LGSN: variants seen among roughly 807,000 people sequenced by gnomAD.
LGSN encodes lengsin, lens protein with glutamine synthetase domain.
Under a neutral mutation model 19.5 loss-of-function variants are expected in LGSN, and 21 were observed. The observed-to-expected ratio is 1.07, with a 90% CI of 0.76 to 1.55. The LOEUF (loss-of-function observed/expected upper bound fraction) is 1.55, where lower values mean the gene tolerates loss of function less well. Among genes scored for constraint, LGSN ranks in the 40% most tolerant of loss-of-function variants. The pLI, the probability that LGSN is intolerant of heterozygous loss-of-function variation, is 0.00. For missense variants in LGSN, 673 were observed against 608.5 expected, an observed-to-expected ratio of 1.11 and a Z score of -1.12; for synonymous variants, 257 against 215.6, an observed-to-expected ratio of 1.19 and a Z score of -1.68.
chr6:63,388,205 A>G, the LGSN span, among the ~76,000 whole-genome samples: 1 of 152,012 alleles, frequency 6.6e-6, no homozygotes, highest in Non-Finnish European at 1.5e-5. Context: ...ATGACTATGG[A>G]GTATCATTTC....
Position 63,315,616 on chromosome 6 carries a change from C to CTG in LGSN, c.30+4297_30+4298insCA, listed in dbSNP as rs1381216132. Among the ~76,000 whole-genome samples, 515 of 114,736 alleles carry CTG rather than the reference C, an allele frequency of 4.5e-3. 5 individuals are homozygous for CTG. Among genetic ancestry groups the CTG allele is most frequent in the African/African-American group, 0.013 (408 of 30,466 alleles). 75.3% of individuals were successfully genotyped at this position (114,736 alleles called of 152,430 possible). A position where few individuals can be genotyped will look rare whatever the true frequency, so the allele number is the denominator to read the frequency against. ...TAGCTAAAATGTTCTCTCTCTCTCT[C>CTG]TCTGTGTGTGTGTGTGTGTGTGTGT... is the stretch of plus-strand genomic sequence containing the variant. On this transcript the variant is annotated intron_variant, in intron 1 of 3. Coordinates refer to ENST00000370657, the MANE Select transcript of LGSN (RefSeq NM_016571.3).
At chr6:63,569,418 A>G in the LGSN span, among the ~76,000 whole-genome samples, 1 of 152,028 alleles carries the variant, frequency 6.6e-6, no homozygotes, top group Non-Finnish European at 1.5e-5. Context: ...CACCATGCCC[A>G]GCTAATTTTT....
chr6:63,278,001 G>C lies in LGSN; in HGVS notation c.*2020C>G, dbSNP rs889628932. The C allele has an allele frequency of 6.6e-6, 1 of 151,818 alleles. No individual in the cohort carries two copies. Among genetic ancestry groups the C allele is most frequent in the African/African-American group, 2.4e-5 (1 of 41,262 alleles). The allele number at this position is 151,818 out of a possible 1,614,324, so 9.4% of individuals were successfully genotyped here. Reference sequence around the variant, plus strand: ...AGGCAGGAGAATTACTTGAACCCAGGGGGCAGAGGTTGCAGTGAGCCAAGA... The same window carrying C: ...AGGCAGGAGAATTACTTGAACCCAGCGGGCAGAGGTTGCAGTGAGCCAAGA... On this transcript the variant is annotated 3_prime_UTR_variant, in exon 4 of 4. Coordinates refer to ENST00000370657, the MANE Select transcript of LGSN (RefSeq NM_016571.3).
In LGSN at chr6:63,276,650, G is replaced by C. The variant is rs1051320171; in HGVS notation, c.*3371C>G. ...CTACAAAAAAAATTATTTATGTTCT[G>C]CTTAAGATACACAGATCCAAAACTC... On this transcript the variant is annotated 3_prime_UTR_variant, in exon 4 of 4. Coordinates refer to ENST00000370657, the MANE Select transcript of LGSN (RefSeq NM_016571.3). 2 of 152,044 alleles carry C rather than the reference G, an allele frequency of 1.3e-5. No individual in the cohort carries two copies. The highest frequency in any genetic ancestry group is 2.4e-5 in the African/African-American group (1 of 41,376). The allele number at this position is 152,044 out of a possible 1,614,324, so 9.4% of individuals were successfully genotyped here. A position where few individuals can be genotyped will look rare whatever the true frequency, so the allele number is the denominator to read the frequency against.
chr6:63,438,490 A>G, the LGSN span, among the ~76,000 whole-genome samples: 1 of 152,278 alleles, frequency 6.6e-6, no homozygotes, highest in African/African-American at 2.4e-5. Flanking sequence ...TCTACAATGA[A>G]CTCAAACAAA....
intron 1 of LGSN, among the ~76,000 whole-genome samples, chr6:63,312,006 G>A (rs2127395228): frequency 6.6e-6 from 1 of 152,152 alleles, no homozygotes; most frequent in East Asian, 1.9e-4. Context: ...TCTGTGTCTG[G>A]CTTATTTCAC....
chr6:63,517,387 T>A, the LGSN span, among the ~76,000 whole-genome samples: 4 of 152,284 alleles, frequency 2.6e-5, no homozygotes, highest in East Asian at 7.7e-4. Context: ...CATATTTTCT[T>A]ACACCAAGTG....
chr6:63,382,872 T>C, the LGSN span, among the ~76,000 whole-genome samples: 3 of 152,240 alleles, frequency 2.0e-5, no homozygotes, highest in African/African-American at 4.8e-5. Flanking sequence ...TGTCACATAC[T>C]GTTAAGTTAC....
At chr6:63,539,002 C>T in the LGSN span, among the ~76,000 whole-genome samples, 1 of 152,188 alleles carries the variant, frequency 6.6e-6, no homozygotes, top group Non-Finnish European at 1.5e-5. Context: ...AAGCAATTCT[C>T]CTGCCTCAGC....
the LGSN span, among the ~76,000 whole-genome samples, chr6:63,510,402 C>T: frequency 6.6e-6 from 1 of 151,746 alleles, no homozygotes; most frequent in Non-Finnish European, 1.5e-5. Flanking sequence ...TTAAACTAAC[C>T]CTTGTAAGTT....
the LGSN span, among the ~76,000 whole-genome samples, chr6:63,446,464 C>T: frequency 6.6e-6 from 1 of 152,110 alleles, no homozygotes; most frequent in African/African-American, 2.4e-5. Flanking sequence ...ATTTATTATG[C>T]TTATTTTCTG....
At chr6:63,291,806 C>T (rs1197515747) in intron 2 of LGSN, among the ~76,000 whole-genome samples, 1 of 152,132 alleles carries the variant, frequency 6.6e-6, no homozygotes, top group East Asian at 1.9e-4. Flanking sequence ...CATACCTAAT[C>T]TCTGGAATAT....
chr6:63,412,717 A>AGGAC, the LGSN span, among the ~76,000 whole-genome samples: 19 of 86,686 alleles, frequency 2.2e-4, no homozygotes, highest in African/African-American at 1.0e-3. Context: ...GAGGGAAGGA[A>AGGAC]GGAAAGAAAG....
chr6:63,444,003 T>C, the LGSN span, among the ~76,000 whole-genome samples: 1 of 151,762 alleles, frequency 6.6e-6, no homozygotes, highest in Admixed American at 6.6e-5. Flanking sequence ...ATCTAAGTAA[T>C]TAAACAAAAA....
chr6:63,473,703 C>G, the LGSN span, among the ~76,000 whole-genome samples: 2 of 149,202 alleles, frequency 1.3e-5, no homozygotes, highest in African/African-American at 4.9e-5. Context: ...AGACTCTTCT[C>G]TCTTCCTGAC....
chr6:63,540,051 C>A, the LGSN span, among the ~76,000 whole-genome samples: 2 of 152,094 alleles, frequency 1.3e-5, no homozygotes, highest in African/African-American at 2.4e-5. Context: ...GTTTCTTGGT[C>A]AAATCAATAT....
chr6:63,539,602 C>T, the LGSN span, among the ~76,000 whole-genome samples: 1 of 151,960 alleles, frequency 6.6e-6, no homozygotes, highest in Non-Finnish European at 1.5e-5. Context: ...ATGGTGAAAC[C>T]CCGTCTCTAC....
upstream of LGSN, among the ~76,000 whole-genome samples, chr6:63,324,090 A>G (rs1302864601): frequency 6.6e-6 from 1 of 152,136 alleles, no homozygotes; most frequent in Non-Finnish European, 1.5e-5. Flanking sequence ...TTCTTTTGAT[A>G]CAGCCCATGT....
At chr6:63,317,531 T>C (rs1295735882) in intron 1 of LGSN, among the ~76,000 whole-genome samples, 2 of 152,168 alleles carry the variant, frequency 1.3e-5, no homozygotes, top group African/African-American at 4.8e-5. Context: ...AGGTAAATAA[T>C]TATAAAATGA....
Sources: gnomAD v4.1 joint callset for allele counts (sites outside exome capture counted in the v4.1 genomes callset) on GRCh38, gnomAD v4.1.1 for gene constraint, MANE v1.5 for transcripts, NCBI Gene and HGNC (gene_info 2026-07-23, HGNC 2026-07-21) for gene names.